Variants in HECW1 observed in about 807,000 individuals in gnomAD.
The protein encoded by HECW1 is HECT, C2 and WW domain containing E3 ubiquitin protein ligase 1.
A neutral mutation model predicts 182.3 loss-of-function variants in HECW1; 61 were observed. That is an observed-to-expected ratio of 0.33 (90% CI 0.27 to 0.41). The LOEUF (loss-of-function observed/expected upper bound fraction) is 0.41. Among genes scored for constraint, HECW1 ranks in the 10% least tolerant of loss-of-function variants. The pLI is 1.00. For synonymous variants in HECW1, 859 were observed against 832.6 expected (o/e 1.03, Z -0.55); for missense variants, 1,739 against 2,108.9 (o/e 0.82, Z 3.44).
At chr7:43,480,471 A>T (rs1179961800) in intron 17 of HECW1, among the ~76,000 whole-genome samples, 2 of 152,010 alleles carry the variant, frequency 1.3e-5, no homozygotes, top group Admixed American at 1.3e-4. Flanking sequence ...TTTTGTGGAA[A>T]CCACCAGGAC....
At chr7:43,151,804 A>T (rs1562602165) in intron 2 of HECW1, among the ~76,000 whole-genome samples, 1 of 152,360 alleles carries the variant, frequency 6.6e-6, no homozygotes, top group East Asian at 1.9e-4. Context: ...TAATTGGAAC[A>T]GATGGAGAAG....
intron 6 of HECW1, among the ~76,000 whole-genome samples, chr7:43,363,366 A>G (rs1471963455): frequency 6.6e-6 from 1 of 152,194 alleles, no homozygotes; most frequent in Non-Finnish European, 1.5e-5. Flanking sequence ...CCCTGACCTC[A>G]TCTTTGTCAT....
rs1338177519 is a variant in HECW1 at position 43,493,100 on chromosome 7, T to A, written c.3357T>A (p.Ile1119=). The change falls in exon 19 of 30, where the codon ATT becomes ATA. Residue 1119 remains isoleucine, a synonymous_variant. Transcript: ENST00000395891. ...ESLPLAYNDK[I]VAFLRQPNIF... ...CTGTTTCAGCATATAATGACAAGAT[T>A]GTGGCATTTCTTCGCCAGCCAAACA... 1.2e-6 allele frequency: 2 copies of A among 1,613,178 alleles called. No homozygotes were observed. Among genetic ancestry groups the A allele is most frequent in the Admixed American group, 3.3e-5 (2 of 59,970 alleles).
intron 2 of HECW1, among the ~76,000 whole-genome samples, chr7:43,219,673 G>C (rs1206155991): frequency 6.6e-6 from 1 of 151,238 alleles, no homozygotes; most frequent in Non-Finnish European, 1.5e-5. Flanking sequence ...ACAGGACAGG[G>C]ATTTTCACAG....
intron 2 of HECW1, among the ~76,000 whole-genome samples, chr7:43,233,517 G>A (rs1001802027): frequency 2.0e-5 from 3 of 152,252 alleles, no homozygotes; most frequent in South Asian, 2.1e-4. Context: ...CATTTAGCAG[G>A]CCGATGATAG....
chr7:43,172,242 C>T (rs554682394), intron 2 of HECW1, among the ~76,000 whole-genome samples: 4 of 151,644 alleles, frequency 2.6e-5, no homozygotes, highest in African/African-American at 9.7e-5. Flanking sequence ...TGCAGTGAGC[C>T]GAGATTGCGC....
chr7:43,545,118 A>G (rs891070522), intron 26 of HECW1, among the ~76,000 whole-genome samples: 1 of 152,164 alleles, frequency 6.6e-6, no homozygotes, highest in Non-Finnish European at 1.5e-5. Context: ...TAAAGGTGAT[A>G]TATATACATT....
At chr7:43,302,549 G>T (rs1806963771) in intron 3 of HECW1, among the ~76,000 whole-genome samples, 2 of 152,220 alleles carry the variant, frequency 1.3e-5, no homozygotes, top group Admixed American at 6.5e-5. Context: ...AAGCCCTGCT[G>T]GGCTCAGGAT....
chr7:43,369,828 T>C (rs1261196060), intron 6 of HECW1, among the ~76,000 whole-genome samples: 3 of 152,308 alleles, frequency 2.0e-5, no homozygotes, highest in Admixed American at 2.0e-4. Context: ...AACGAAATGT[T>C]CACTTTCCCT....
At chr7:43,354,847 C>T (rs1047479284) in intron 5 of HECW1, among the ~76,000 whole-genome samples, 1 of 152,052 alleles carries the variant, frequency 6.6e-6, no homozygotes, top group African/African-American at 2.4e-5. Flanking sequence ...TCAAATAAGG[C>T]TATCCCACAG....
At chr7:43,273,542 A>G (rs1242708570) in intron 3 of HECW1, among the ~76,000 whole-genome samples, 2 of 152,194 alleles carry the variant, frequency 1.3e-5, no homozygotes, top group South Asian at 2.1e-4. Flanking sequence ...ACTTTAAGAT[A>G]TATTTCCTCT....
At chr7:43,521,791 G>A (rs530125591) in intron 24 of HECW1, among the ~76,000 whole-genome samples, 58 of 152,288 alleles carry the variant, frequency 3.8e-4, no homozygotes, top group Non-Finnish European at 7.6e-4. Flanking sequence ...CAGGAGAATC[G>A]CTTGAACCTG....
chr7:43,311,551 G>A lies in HECW1; in HGVS notation c.28-212G>A, dbSNP rs1001992343. The A allele has an allele frequency of 1.1e-5, 8 of 747,384 alleles. No individual in the cohort carries two copies. The African/African-American group carries it at 1.4e-4, about 13-fold the overall frequency. The allele number at this position is 747,384 out of a possible 1,614,324, so 46.3% of individuals were successfully genotyped here. On this transcript the variant is annotated intron_variant, in intron 3 of 29. Coordinates refer to ENST00000395891, the MANE Select transcript of HECW1 (RefSeq NM_015052.5). ...ACATGGAAACGCAGGACACCCTGGT[G>A]CACTTGTGTTTTTGTTCTTGCTGTC...
chr7:43,361,071 T>C, intron 6 of HECW1, 91 bp downstream of exon 6: 5 of 713,070 alleles, frequency 7.0e-6, no homozygotes, highest in Non-Finnish European at 9.8e-6. Context: ...TGTGTGTGTG[T>C]GTGTGTGTGT....
At chr7:43,327,672 A>G (rs1341984049) in intron 5 of HECW1, among the ~76,000 whole-genome samples, 2 of 152,172 alleles carry the variant, frequency 1.3e-5, no homozygotes, top group African/African-American at 2.4e-5. Context: ...ATCTTGCTAG[A>G]GAGGCATCCC....
intron 14 of HECW1, among the ~76,000 whole-genome samples, chr7:43,464,666 C>T (rs1721207621): frequency 6.6e-6 from 1 of 152,202 alleles, no homozygotes; most frequent in Admixed American, 6.5e-5. Context: ...TAGCTGTCTA[C>T]AGCAATGCAG....
At chr7:43,194,373 G>A (rs945146843) in intron 2 of HECW1, 6 of 152,046 alleles carry the variant, frequency 3.9e-5, no homozygotes, top group East Asian at 1.9e-4. Context: ...TGGGATGCTC[G>A]TTCATTCTCT....
intron 2 of HECW1, among the ~76,000 whole-genome samples, chr7:43,129,191 A>C (rs1392723807): frequency 6.6e-6 from 1 of 152,244 alleles, no homozygotes; most frequent in Non-Finnish European, 1.5e-5. Context: ...GCTATCAAAC[A>C]GCATCACATG....
intron 2 of HECW1, among the ~76,000 whole-genome samples, chr7:43,161,957 A>G (rs990763599): frequency 3.3e-5 from 5 of 152,306 alleles, no homozygotes; most frequent in African/African-American, 1.2e-4. Flanking sequence ...TTCACCGCCC[A>G]CTATTGAACA....
Sources: gnomAD v4.1 joint callset for allele counts (sites outside exome capture counted in the v4.1 genomes callset) on GRCh38, gnomAD v4.1.1 for gene constraint, MANE v1.5 for transcripts, NCBI Gene and HGNC (gene_info 2026-07-23, HGNC 2026-07-21) for gene names.